Variants in MTERF4 observed in about 807,000 individuals in gnomAD.
MTERF4 encodes the protein transcription termination factor 4, mitochondrial.
A neutral mutation model predicts 22.5 loss-of-function variants in MTERF4; 17 were observed. The ratio of observed to expected loss-of-function variants is 0.75; its 90% CI spans 0.52 to 1.13. MTERF4 has a LOEUF of 1.13. Ranked by LOEUF, MTERF4 falls within the 50% of genes most tolerant of loss-of-function variation. MTERF4 has a pLI of 0.00. For synonymous variants in MTERF4, 165 were observed against 175.3 expected, an observed-to-expected ratio of 0.94 and a Z score of 0.47; for missense variants, 420 against 466.8, an observed-to-expected ratio of 0.90 and a Z score of 0.92.
chr2:241,097,298 T>C lies in MTERF4; in HGVS notation c.650A>G (p.His217Arg), dbSNP rs1469075123. The C allele has an allele frequency of 6.8e-6, 11 of 1,614,074 alleles. No individual in the cohort carries two copies. The highest frequency in any genetic ancestry group is 1.3e-5 in the African/African-American group (1 of 74,930). Residue 217 changes from histidine to arginine, a missense_variant, in exon 3 of 4, where the codon CAC becomes CGC. Physicochemically the swap from His to Arg is conservative, Grantham distance 29. Transcript: ENST00000391980. ...CTCTCGAAGAACAGAGGGGCAACTG[T>C]GCAAAATCTTGGTGACTTGCTGTAC... ...FTVQQVTKIL[H>R]SCPSVLREDL...
chr2:241,087,211 A>T, downstream of MTERF4: 1 of 586,326 alleles, frequency 1.7e-6, no homozygotes, highest in Non-Finnish European at 3.0e-6. Context: ...TTTATTACAA[A>T]TCACATGACC....
chr2:241,068,864 C>T, downstream of MTERF4: 1 of 1,346,640 alleles, frequency 7.4e-7, no homozygotes, highest in Non-Finnish European at 1.0e-6. This position sits in a 1 kb window ranked among gnomAD's most constrained non-coding sequence, Gnocchi z 5.3. Context: ...GAGTCACACA[C>T]AGGTCCCAGA....
At chr2:241,059,903 A>G in the MTERF4 span, among the ~76,000 whole-genome samples, 1 of 152,220 alleles carries the variant, frequency 6.6e-6, no homozygotes, top group African/African-American at 2.4e-5. Flanking sequence ...GGCCCTAGAC[A>G]GTGCCAGATG....
At chr2:241,076,744 C>A (rs777110453) in intron 4 of MTERF4, among the ~76,000 whole-genome samples, 1 of 151,612 alleles carries the variant, frequency 6.6e-6, no homozygotes, top group Non-Finnish European at 1.5e-5. Context: ...TGGAAAAGAA[C>A]TGAGAGTCCA....
chr2:241,070,118 G>A (rs768935846), downstream of MTERF4: 6 of 1,612,638 alleles, frequency 3.7e-6, no homozygotes, highest in South Asian at 2.2e-5. Context: ...CCGGGACGGC[G>A]GTACCAGCTC....
At chr2:241,080,556 C>T (rs151150486) in intron 4 of MTERF4, among the ~76,000 whole-genome samples, 55 of 152,234 alleles carry the variant, frequency 3.6e-4, no homozygotes, top group African/African-American at 1.2e-3. Flanking sequence ...AAGCCCAGGA[C>T]ATGTTGTGTA....
At chr2:241,043,661 C>T in the MTERF4 span, among the ~76,000 whole-genome samples, 41,157 of 152,062 alleles carry the variant, frequency 0.27, 5,948 homozygotes, top group Middle Eastern at 0.35. Flanking sequence ...ATAAAACTTA[C>T]ATGCAGAAAT....
At position 241,096,267 on chromosome 2, in the gene MTERF4, T is replaced by C. The variant is rs749629985; in HGVS notation, c.877A>G (p.Ile293Val). ...AACTCAGCTTCTGAAACTCTGAGAATGTCCTTGAGCAATGGGTTAGGGATC... is the reference window on the plus strand; with the variant it reads ...AACTCAGCTTCTGAAACTCTGAGAACGTCCTTGAGCAATGGGTTAGGGATC... The part of the protein sequence containing the change: ...TQIPNPLLKD[I>V]LRVSEAEFLA... The change falls in exon 4 of 4, where the codon ATT becomes GTT. Residue 293 changes from isoleucine to valine, a missense_variant. Transcript: ENST00000391980. The surrounding 1 kb of genome is among the most constrained non-coding windows in gnomAD (Gnocchi z 5.1). 3.7e-6 allele frequency: 6 copies of C among 1,614,222 alleles called. No individual in the cohort carries two copies. The highest frequency in any genetic ancestry group is 5.1e-6 in the Non-Finnish European group (6 of 1,180,048).
downstream of MTERF4, chr2:241,071,568 C>A: frequency 1.3e-6 from 2 of 1,577,744 alleles, no homozygotes; most frequent in African/African-American, 1.3e-5. Flanking sequence ...CTCCTGCCTG[C>A]TCTGCAGCCC....
chr2:241,051,022 C>T, the MTERF4 span, among the ~76,000 whole-genome samples: 731 of 152,316 alleles, frequency 4.8e-3, 3 homozygotes, highest in African/African-American at 0.017. The surrounding 1 kb of genome is among the most constrained non-coding windows in gnomAD (Gnocchi z 4.7). Flanking sequence ...ACAAGGATGG[C>T]TGTCCTCAGG....
Position 241,073,523 on chromosome 2 carries a change from G to C in MTERF4, n.2639C>G. 1.5e-6 allele frequency: 1 copy of C among 681,678 alleles called. No individual in the cohort carries two copies. The highest frequency in any genetic ancestry group is 2.7e-6 in the Non-Finnish European group (1 of 374,660). The allele number at this position is 681,678 out of a possible 1,614,324, so 42.2% of individuals were successfully genotyped here. On this transcript the variant is annotated non_coding_transcript_exon_variant, in exon 5 of 5. Transcript: ENST00000464344. This position sits in a 1 kb window ranked among gnomAD's most constrained non-coding sequence, Gnocchi z 6.6. ...CCAGGCACCCCGGTGTGGGAAGATG[G>C]GGTGAAGCTACACCACCCAAGCAGT...
the MTERF4 span, chr2:241,065,715 G>A: frequency 1.1e-6 from 1 of 875,616 alleles, no homozygotes; most frequent in Non-Finnish European, 1.7e-6. Flanking sequence ...GCAGCAGCAA[G>A]ACAGACAGCT....
Position 241,099,280 on chromosome 2 carries a change from G to A in MTERF4, c.520+116C>T, listed in dbSNP as rs2064593907. On this transcript the variant is annotated intron_variant, in intron 2 of 3. Coordinates refer to ENST00000391980, the MANE Select transcript of MTERF4 (RefSeq NM_182501.4). ...AGTTGAGTCAGGGTTTCACCATGTTGGCCAGGCTGATCTTGAACCCCTGAC... is the reference window on the plus strand; with the variant it reads ...AGTTGAGTCAGGGTTTCACCATGTTAGCCAGGCTGATCTTGAACCCCTGAC... 2.6e-6 allele frequency: 3 copies of A among 1,157,808 alleles called. No homozygotes were observed. The African/African-American group carries it at 4.6e-5, about 18-fold the overall frequency. 71.7% of individuals were successfully genotyped at this position (1,157,808 alleles called of 1,614,324 possible). A position where few individuals can be genotyped will look rare whatever the true frequency, so the allele number is the denominator to read the frequency against.
At chr2:241,071,887 C>T (rs540481203), downstream of MTERF4, 3 of 1,591,340 alleles carry the variant, frequency 1.9e-6, no homozygotes, top group East Asian at 4.6e-5. Flanking sequence ...ACGTGAGTGC[C>T]AGGGCCTCCC....
In MTERF4 at chr2:241,102,262, G is replaced by C. The variant is rs759408098; in HGVS notation, c.12C>G (p.Phe4Leu). 3 of 1,549,456 alleles carry C rather than the reference G, an allele frequency of 1.9e-6. No homozygotes were observed. In the South Asian group the frequency reaches 3.6e-5, roughly 18 times the overall value. The change falls in exon 1 of 4, where the codon TTC becomes TTG. Residue 4 changes from phenylalanine (F) to leucine (L), a missense_variant. By Grantham distance (22) the Phe-to-Leu change is conservative. Transcript: ENST00000391980. ...CCCAGCTCGAGCTTACCTGACGGCC[G>C]AACGCAGCCATAGCGCGGAGAAGAT... MAA[F>L]GRQVLDWHRL...
chr2:241,058,383 G>GA, the MTERF4 span, among the ~76,000 whole-genome samples: 154 of 151,366 alleles, frequency 1.0e-3, 1 homozygote, highest in African/African-American at 3.4e-3. Context: ...CAGAAGTTAG[G>GA]AAAAAAAATA....
chr2:241,067,844 C>T (rs764453272), downstream of MTERF4: 23 of 1,613,466 alleles, frequency 1.4e-5, no homozygotes, highest in East Asian at 4.5e-5. Flanking sequence ...GCACAGGATC[C>T]GCCATGCCAC....
the MTERF4 span, chr2:241,052,555 G>A: frequency 9.5e-7 from 1 of 1,048,674 alleles, no homozygotes; most frequent in Admixed American, 1.8e-5. Flanking sequence ...GGGTACATGG[G>A]ATACCAGTGC....
downstream of MTERF4, chr2:241,088,391 A>G (rs1034840122): frequency 1.9e-6 from 3 of 1,612,292 alleles, no homozygotes; most frequent in Admixed American, 5.0e-5. Context: ...CAGACACTGG[A>G]GAAATCTTAA....
Sources: gnomAD v4.1 joint callset for allele counts (sites outside exome capture counted in the v4.1 genomes callset) on GRCh38, gnomAD v4.1.1 for gene constraint, Gnocchi (gnomAD v3.1) non-coding constraint, MANE v1.5 for transcripts, NCBI Gene and HGNC (gene_info 2026-07-23, HGNC 2026-07-21) for gene names.